ADGRB3: variants seen among roughly 807,000 people sequenced by gnomAD.
ADGRB3 encodes the protein brain-specific angiogenesis inhibitor 3.
In ADGRB3, 37 loss-of-function variants were observed where a neutral mutation model predicts 193.4. The ratio of observed to expected loss-of-function variants is 0.19; its 90% CI spans 0.15 to 0.25. ADGRB3 has a LOEUF of 0.25. ADGRB3 is among the 10% of genes least tolerant of loss of function. The pLI, the probability that ADGRB3 is intolerant of heterozygous loss-of-function variation, is 1.00. For missense variants in ADGRB3, 1,637 were observed against 1,852.9 expected, an observed-to-expected ratio of 0.88 and a Z score of 2.14; for synonymous variants, 690 against 644.2, an observed-to-expected ratio of 1.07 and a Z score of -1.08.
At chr6:68,922,613 G>GA (rs1767074887) in intron 3 of ADGRB3, among the ~76,000 whole-genome samples, 1 of 152,060 alleles carries the variant, frequency 6.6e-6, no homozygotes, top group Non-Finnish European at 1.5e-5. Context: ...TTCAATCTGA[G>GA]AAAAAAATGT....
At chr6:69,122,481 AGG>A (rs376504324) in intron 17 of ADGRB3, among the ~76,000 whole-genome samples, 1 of 3,222 alleles carries the variant, frequency 3.1e-4, no homozygotes, top group Non-Finnish European at 7.1e-4. Context: ...GGGGAGGGGG[AGG>A]GGGGAGGGGG....
intron 30 of ADGRB3, among the ~76,000 whole-genome samples, chr6:69,381,815 C>A (rs1769952101): frequency 6.6e-6 from 1 of 151,796 alleles, no homozygotes; most frequent in Non-Finnish European, 1.5e-5. Flanking sequence ...AAACCACAGG[C>A]ACAAATGGTA....
intron 3 of ADGRB3, among the ~76,000 whole-genome samples, chr6:68,895,983 G>C (rs560441144): frequency 5.9e-5 from 9 of 152,150 alleles, no homozygotes; most frequent in Middle Eastern, 3.4e-3. Context: ...ATTTCTTTGT[G>C]TGGGTTACAA....
chr6:69,330,946 G>C (rs1472032536), intron 23 of ADGRB3, among the ~76,000 whole-genome samples: 1 of 152,006 alleles, frequency 6.6e-6, no homozygotes, highest in Non-Finnish European at 1.5e-5. Context: ...TATTAATAGG[G>C]AAATCTCTTT....
intron 3 of ADGRB3, among the ~76,000 whole-genome samples, chr6:68,815,173 T>G (rs1020972887): frequency 2.0e-5 from 3 of 152,110 alleles, no homozygotes; most frequent in Non-Finnish European, 4.4e-5. Context: ...TCAAGGCAGT[T>G]AGTTTCCCAG....
At chr6:68,898,357 T>C (rs996808613) in intron 3 of ADGRB3, among the ~76,000 whole-genome samples, 3 of 152,120 alleles carry the variant, frequency 2.0e-5, no homozygotes, top group African/African-American at 7.2e-5. Flanking sequence ...CCCACTCGAA[T>C]TGGTGAGGGA....
chr6:69,100,447 C>A (rs1773000335), intron 17 of ADGRB3, among the ~76,000 whole-genome samples: 1 of 152,008 alleles, frequency 6.6e-6, no homozygotes, highest in African/African-American at 2.4e-5. Context: ...ATAAGAGAGA[C>A]AGAGATAAAA....
chr6:69,342,285 A>C (rs1241369550), intron 26 of ADGRB3, among the ~76,000 whole-genome samples: 3 of 152,132 alleles, frequency 2.0e-5, no homozygotes, highest in Non-Finnish European at 2.9e-5. Context: ...ATAGCAAATA[A>C]ATTAACAGCA....
At chr6:69,000,287 C>G (rs1769531567) in intron 11 of ADGRB3, among the ~76,000 whole-genome samples, 1 of 152,172 alleles carries the variant, frequency 6.6e-6, no homozygotes, top group Non-Finnish European at 1.5e-5. Flanking sequence ...AAATACTGAA[C>G]CATTGCTCCA....
At chr6:69,106,776 A>C (rs1338565899) in intron 17 of ADGRB3, among the ~76,000 whole-genome samples, 1 of 152,240 alleles carries the variant, frequency 6.6e-6, no homozygotes, top group Non-Finnish European at 1.5e-5. Context: ...GAAATGACCA[A>C]TGTGCTATTG....
intron 14 of ADGRB3, 89 bp from the exon 15 acceptor site, chr6:69,049,182 G>A (rs1771322504): frequency 4.3e-6 from 4 of 940,534 alleles, no homozygotes; most frequent in Non-Finnish European, 3.2e-6. Context: ...AGGAAGTACT[G>A]GAATTATCTT....
chr6:69,056,861 A>G (rs1181003554), intron 15 of ADGRB3, among the ~76,000 whole-genome samples: 1 of 152,186 alleles, frequency 6.6e-6, no homozygotes, highest in Non-Finnish European at 1.5e-5. Flanking sequence ...GCTTTGTAAT[A>G]TAGCTTGAAA....
intron 8 of ADGRB3, among the ~76,000 whole-genome samples, chr6:68,968,954 A>G (rs1768474952): frequency 6.6e-6 from 1 of 152,176 alleles, no homozygotes; most frequent in Admixed American, 6.6e-5. Context: ...CCTAGCACCT[A>G]CCATACTGAA....
intron 24 of ADGRB3, among the ~76,000 whole-genome samples, chr6:69,333,394 A>G (rs1284414967): frequency 2.0e-5 from 3 of 152,172 alleles, no homozygotes; most frequent in African/African-American, 7.2e-5. Context: ...CAGAATCAGA[A>G]CAAGCAAACC....
chr6:68,640,444 T>G (rs1000184024), intron 3 of ADGRB3, among the ~76,000 whole-genome samples: 2 of 152,230 alleles, frequency 1.3e-5, no homozygotes, highest in African/African-American at 4.8e-5. Flanking sequence ...TTTTGTTGTT[T>G]GGAAGGTTAA....
chr6:68,783,364 ATG>A (rs1766897958), intron 3 of ADGRB3, among the ~76,000 whole-genome samples: 1 of 148,092 alleles, frequency 6.8e-6, no homozygotes, highest in Admixed American at 6.8e-5. Context: ...TAAAACTTAC[ATG>A]TATATATGTA....
At chr6:69,274,524 C>G (rs1312474333) in intron 20 of ADGRB3, among the ~76,000 whole-genome samples, 1 of 121,000 alleles carries the variant, frequency 8.3e-6, no homozygotes, top group African/African-American at 3.1e-5. Flanking sequence ...TTCCTTCCTT[C>G]TTTCTACCTT....
intron 17 of ADGRB3, among the ~76,000 whole-genome samples, chr6:69,091,876 T>A (rs189915319): frequency 4.6e-5 from 7 of 152,326 alleles, no homozygotes; most frequent in Admixed American, 3.9e-4. Context: ...TTGGAGTATT[T>A]TTGACATGAT....
intron 17 of ADGRB3, among the ~76,000 whole-genome samples, chr6:69,085,569 A>ATT (rs569932817): frequency 1.3e-5 from 2 of 149,420 alleles, no homozygotes; most frequent in Non-Finnish European, 3.0e-5. Context: ...ACTCAGACTA[A>ATT]TTTTTTTTTT....
Sources: gnomAD v4.1 joint callset for allele counts (sites outside exome capture counted in the v4.1 genomes callset) on GRCh38, gnomAD v4.1.1 for gene constraint, MANE v1.5 for transcripts, NCBI Gene and HGNC (gene_info 2026-07-23, HGNC 2026-07-21) for gene names.